SNW1: variants seen among roughly 807,000 people sequenced by gnomAD.
The protein encoded by SNW1 is SNW domain-containing protein 1.
In SNW1, 9 loss-of-function variants were observed where a neutral mutation model predicts 75.6. The ratio of observed to expected loss-of-function variants is 0.12; its 90% CI spans 0.07 to 0.21. The LOEUF (loss-of-function observed/expected upper bound fraction) is 0.21, where lower values mean the gene tolerates loss of function less well. SNW1 is among the 10% of genes least tolerant of loss of function. SNW1 has a pLI of 1.00. For missense variants in SNW1, 409 were observed against 670.9 expected, an observed-to-expected ratio of 0.61 and a Z score of 4.31; for synonymous variants, 200 against 219.1, an observed-to-expected ratio of 0.91 and a Z score of 0.77.
rs761848637 is a variant in SNW1, at chr14:77,761,071, C to G, written c.14+43G>C. On this transcript the variant is annotated intron_variant, in intron 1 of 13. Coordinates refer to ENST00000261531, the MANE Select transcript of SNW1 (RefSeq NM_012245.3). ...GGAAGAGAAATGAAGAAGACTGGTACTCCCAGACCCTTCCGTATCGAGGAC... is the reference window on the plus strand; with the variant it reads ...GGAAGAGAAATGAAGAAGACTGGTAGTCCCAGACCCTTCCGTATCGAGGAC... 6.8e-6 allele frequency: 11 copies of G among 1,614,148 alleles called. No homozygotes were observed. The Admixed American group carries it at 1.2e-4, about 17-fold the overall frequency.
rs1196386070 is a variant in SNW1, at chr14:77,717,816, AAAGT to A, written c.*268_*271del. 7.8e-5 allele frequency: 45 copies of A among 575,434 alleles called. No homozygotes were observed. Among genetic ancestry groups the A allele is most frequent in the Admixed American group, 2.3e-4 (7 of 30,216 alleles). 35.6% of individuals were successfully genotyped at this position (575,434 alleles called of 1,614,324 possible). A position where few individuals can be genotyped will look rare whatever the true frequency, so the allele number is the denominator to read the frequency against. On this transcript the variant is annotated 3_prime_UTR_variant, in exon 14 of 14. Coordinates refer to ENST00000261531, the MANE Select transcript of SNW1 (RefSeq NM_012245.3). ...AACCCCAAACTACTAGTGTCACATA[AAAGT>A]AAGTGGTCTTGACTTTGTATGTGGG...
At chr14:77,750,155 C>T (rs1205789857) in intron 3 of SNW1, among the ~76,000 whole-genome samples, 3 of 152,102 alleles carry the variant, frequency 2.0e-5, no homozygotes, top group African/African-American at 2.4e-5. Flanking sequence ...GAGCCATCAT[C>T]GTGCCACTGC....
At chr14:77,760,810 T>G in intron 1 of SNW1, 1 of 716,364 alleles carries the variant, frequency 1.4e-6, no homozygotes, top group Non-Finnish European at 2.5e-6. Context: ...GCCGCGGACC[T>G]GAGGGAGCGC....
At chr14:77,722,443 A>G in intron 11 of SNW1, 1 of 434,998 alleles carries the variant, frequency 2.3e-6, no homozygotes, top group Non-Finnish European at 4.5e-6. Context: ...CAATTGTACT[A>G]GATGCAGTAC....
intron 2 of SNW1, 31 bp downstream of exon 2, chr14:77,754,936 T>C (rs769457862): frequency 1.3e-6 from 2 of 1,524,248 alleles, no homozygotes. Context: ...CAGCACAATT[T>C]AACAAATCTA....
Position 77,718,089 on chromosome 14 carries a change from T to G in SNW1, c.1610A>C (p.Ter537SerextTer7). The change falls in exon 14 of 14, where the codon TAG becomes TCG. Residue 537 changes from the stop codon to serine, a stop_lost. Coordinates refer to ENST00000261531, the MANE Select transcript of SNW1 (RefSeq NM_012245.3). ...EHEGKKRRKE[*>S] ...CATTCACTTTGGAGAGACCTGTGCC[T>G]ATTCCTTCCTCCTCTTCTTGCCTTC... The G allele has an allele frequency of 6.3e-7, 1 of 1,575,866 alleles. No homozygotes were observed. Among genetic ancestry groups the G allele is most frequent in the Non-Finnish European group, 8.6e-7 (1 of 1,161,536 alleles).
chr14:77,747,216 G>A (rs943751163), intron 3 of SNW1, among the ~76,000 whole-genome samples: 10 of 152,190 alleles, frequency 6.6e-5, no homozygotes, highest in African/African-American at 2.4e-4. Context: ...CACTCACTCA[G>A]TGCTCAATGT....
intron 3 of SNW1, among the ~76,000 whole-genome samples, chr14:77,744,507 A>C (rs1461584827): frequency 6.6e-6 from 1 of 151,884 alleles, no homozygotes; most frequent in Non-Finnish European, 1.5e-5. Context: ...AGAAAAAACA[A>C]GGAACAATGC....
intron 1 of SNW1, among the ~76,000 whole-genome samples, chr14:77,759,440 G>A (rs2080868285): frequency 6.6e-6 from 1 of 152,152 alleles, no homozygotes; most frequent in African/African-American, 2.4e-5. Flanking sequence ...CTGAGCCTTG[G>A]GAGGTTGAGG....
At chr14:77,732,061 T>C (rs2080631746) in intron 9 of SNW1, among the ~76,000 whole-genome samples, 1 of 152,232 alleles carries the variant, frequency 6.6e-6, no homozygotes. Flanking sequence ...TAATACATTA[T>C]GTAACATTAA....
chr14:77,718,561 G>C, intron 12 of SNW1, 31 bp from the exon 13 acceptor site: 2 of 1,407,096 alleles, frequency 1.4e-6, no homozygotes, highest in Non-Finnish European at 2.0e-6. Flanking sequence ...TTAAATAAAA[G>C]TGTAAACATT....
At chr14:77,749,703 G>A (rs2080792563) in intron 3 of SNW1, among the ~76,000 whole-genome samples, 1 of 152,202 alleles carries the variant, frequency 6.6e-6, no homozygotes, top group African/African-American at 2.4e-5. Context: ...AGAGTTCAAG[G>A]TTGCAATGAA....
intron 3 of SNW1, among the ~76,000 whole-genome samples, chr14:77,749,505 G>A (rs953017104): frequency 6.6e-6 from 1 of 152,168 alleles, no homozygotes; most frequent in Admixed American, 6.5e-5. Flanking sequence ...GCAGCCTCAT[G>A]CCTGTAATCC....
At chr14:77,757,919 C>CATCTATTT (rs2080853747) in intron 1 of SNW1, among the ~76,000 whole-genome samples, 1 of 147,574 alleles carries the variant, frequency 6.8e-6, no homozygotes, top group African/African-American at 2.5e-5. Context: ...TCAATCTAAT[C>CATCTATTT]ATCTATCTAT....
chr14:77,749,073 A>G (rs561631326), intron 3 of SNW1, among the ~76,000 whole-genome samples: 35 of 152,294 alleles, frequency 2.3e-4, no homozygotes, highest in Admixed American at 1.8e-3. Context: ...GGAAATCTAG[A>G]TACACTTGCC....
intron 3 of SNW1, among the ~76,000 whole-genome samples, chr14:77,744,446 CAAAA>C (rs11335115): frequency 2.4e-5 from 2 of 82,962 alleles, no homozygotes; most frequent in Admixed American, 1.5e-4. Flanking sequence ...GTCTCCATCT[CAAAA>C]AAAAAAAAAA....
At chr14:77,729,633 A>G (rs974035905) in intron 10 of SNW1, among the ~76,000 whole-genome samples, 1 of 152,216 alleles carries the variant, frequency 6.6e-6, no homozygotes, top group Non-Finnish European at 1.5e-5. Flanking sequence ...AGTTAACAGT[A>G]CTGCATTGTA....
chr14:77,728,563 C>T (rs560334460), intron 10 of SNW1, among the ~76,000 whole-genome samples: 9 of 152,184 alleles, frequency 5.9e-5, no homozygotes, highest in Admixed American at 3.9e-4. Context: ...AGCTTATTTC[C>T]CTTAGGGGCT....
At chr14:77,752,261 G>A (rs2080814922) in intron 2 of SNW1, among the ~76,000 whole-genome samples, 1 of 152,092 alleles carries the variant, frequency 6.6e-6, no homozygotes, top group Non-Finnish European at 1.5e-5. Context: ...GAATACAATA[G>A]GAAGGATCCA....
Sources: allele counts gnomAD v4.1 joint callset (sites outside exome capture counted in the v4.1 genomes callset), GRCh38; gene constraint gnomAD v4.1.1; transcripts MANE v1.5; gene names NCBI Gene and HGNC (gene_info 2026-07-23, HGNC 2026-07-21).